MACROD2: variants seen among roughly 807,000 people sequenced by gnomAD.
MACROD2 encodes ADP-ribose glycohydrolase MACROD2.
A neutral mutation model predicts 70.4 loss-of-function variants in MACROD2; 36 were observed. The observed-to-expected ratio is 0.51, with a 90% CI of 0.39 to 0.68. The LOEUF is 0.68. Ranked by LOEUF, MACROD2 falls within the 30% of genes least tolerant of loss-of-function variation. MACROD2 has a pLI of 0.00. For synonymous variants in MACROD2, 172 were observed against 178.8 expected (o/e 0.96, Z 0.30); for missense variants, 496 against 538.4 (o/e 0.92, Z 0.78).
intron 5 of MACROD2, among the ~76,000 whole-genome samples, chr20:14,790,013 A>C (rs2072430420): frequency 6.6e-6 from 1 of 152,122 alleles, no homozygotes; most frequent in South Asian, 2.1e-4. Flanking sequence ...TAGGATGCTA[A>C]AATATGCTTT....
At chr20:14,876,704 C>G (rs933671548) in intron 5 of MACROD2, among the ~76,000 whole-genome samples, 1 of 152,140 alleles carries the variant, frequency 6.6e-6, no homozygotes, top group African/African-American at 2.4e-5. Flanking sequence ...TATCCCAGCA[C>G]CATTTATTCG....
chr20:15,231,750 G>C (rs996388040), intron 6 of MACROD2, among the ~76,000 whole-genome samples: 3 of 152,016 alleles, frequency 2.0e-5, no homozygotes, highest in Non-Finnish European at 2.9e-5. Context: ...TTAACAGATG[G>C]CATGCAGATG....
chr20:14,019,632 A>C (rs887138261), intron 2 of MACROD2, among the ~76,000 whole-genome samples: 4 of 151,824 alleles, frequency 2.6e-5, no homozygotes, highest in Non-Finnish European at 5.9e-5. Flanking sequence ...GGTGCTGCTG[A>C]TTGGTTCGGG....
chr20:15,518,525 G>A (rs372510948), intron 8 of MACROD2, among the ~76,000 whole-genome samples: 6 of 152,272 alleles, frequency 3.9e-5, no homozygotes, highest in South Asian at 2.1e-4. Context: ...AATTTTGTGG[G>A]CCTCCATCTC....
chr20:14,217,566 T>G (rs1032045700), intron 3 of MACROD2, among the ~76,000 whole-genome samples: 11 of 152,168 alleles, frequency 7.2e-5, no homozygotes, highest in African/African-American at 2.7e-4. Flanking sequence ...TCTTGTGGAA[T>G]AGTTTCAAAA....
chr20:16,022,648 T>C (rs1819187651), intron 15 of MACROD2, among the ~76,000 whole-genome samples: 1 of 152,228 alleles, frequency 6.6e-6, no homozygotes, highest in Non-Finnish European at 1.5e-5. Flanking sequence ...ATGCAGATGG[T>C]TCCTGGACCA....
At chr20:14,013,273 C>CTTTTTT (rs770856375) in intron 2 of MACROD2, among the ~76,000 whole-genome samples, 2 of 128,722 alleles carry the variant, frequency 1.6e-5, no homozygotes, top group Non-Finnish European at 3.3e-5. Flanking sequence ...ACTGTACTTT[C>CTTTTTT]TTTTTTTTTT....
At chr20:14,692,937 T>C (rs549205814) in intron 5 of MACROD2, among the ~76,000 whole-genome samples, 1 of 152,348 alleles carries the variant, frequency 6.6e-6, no homozygotes, top group East Asian at 1.9e-4. Flanking sequence ...TTAAAAAATA[T>C]CTACCTTTTG....
At chr20:15,204,204 C>A (rs2076681641) in intron 5 of MACROD2, among the ~76,000 whole-genome samples, 1 of 152,254 alleles carries the variant, frequency 6.6e-6, no homozygotes, top group East Asian at 1.9e-4. Flanking sequence ...CTAGTTTTCA[C>A]AATTTGTTGT....
chr20:16,029,236 T>G (rs2067120915), intron 15 of MACROD2, among the ~76,000 whole-genome samples: 1 of 152,198 alleles, frequency 6.6e-6, no homozygotes, highest in Non-Finnish European at 1.5e-5. Context: ...ACTTGCAGGT[T>G]GGGGCTACAA....
In MACROD2 at chr20:14,571,633, G is replaced by A. The variant is rs2180523; in HGVS notation, c.301+78125G>A. Among the ~76,000 whole-genome samples, 604 of 152,158 alleles carry A rather than the reference G, an allele frequency of 4.0e-3. 8 individuals carry two copies. The highest frequency in any genetic ancestry group is 0.029 in the East Asian group (151 of 5,184). ...TTCATGTTCCAAAATGGCACAAGGA[G>A]GGTCTTAAGCATTTTTAATATTCCA... On this transcript the variant is annotated intron_variant, in intron 4 of 17. Coordinates refer to ENST00000684519, the MANE Select transcript of MACROD2 (RefSeq NM_001351661.2).
chr20:15,375,179 T>G (rs1291874479), intron 6 of MACROD2, among the ~76,000 whole-genome samples: 1 of 152,232 alleles, frequency 6.6e-6, no homozygotes, highest in Non-Finnish European at 1.5e-5. Context: ...CATCAGGTGC[T>G]TCACAATTTA....
chr20:14,296,009 G>A (rs2082424487), intron 3 of MACROD2, among the ~76,000 whole-genome samples: 1 of 151,806 alleles, frequency 6.6e-6, no homozygotes, highest in South Asian at 2.1e-4. Context: ...ATAATCTACT[G>A]TGATTCAATC....
At chr20:16,047,588 A>C (rs2067400604) in intron 17 of MACROD2, among the ~76,000 whole-genome samples, 1 of 152,170 alleles carries the variant, frequency 6.6e-6, no homozygotes, top group Admixed American at 6.6e-5. Flanking sequence ...CCTTGGAAGA[A>C]GCCCAGGTTA....
intron 5 of MACROD2, among the ~76,000 whole-genome samples, chr20:14,849,382 A>G (rs1435651631): frequency 6.6e-6 from 1 of 152,124 alleles, no homozygotes; most frequent in Non-Finnish European, 1.5e-5. Context: ...TCCTTGAATT[A>G]AAGGTGTGTT....
At chr20:14,191,112 T>C (rs1464139837) in intron 3 of MACROD2, among the ~76,000 whole-genome samples, 2 of 152,150 alleles carry the variant, frequency 1.3e-5, no homozygotes, top group African/African-American at 4.8e-5. Flanking sequence ...CACATCTACT[T>C]TACATCTTGT....
intron 5 of MACROD2, among the ~76,000 whole-genome samples, chr20:14,712,475 G>T (rs182980350): frequency 1.8e-3 from 273 of 152,232 alleles, no homozygotes; most frequent in Non-Finnish European, 3.2e-3. Flanking sequence ...CCTGATACAC[G>T]TTGAATGCCC....
chr20:15,509,678 A>T (rs543375577), intron 8 of MACROD2, among the ~76,000 whole-genome samples: 15 of 152,310 alleles, frequency 9.8e-5, no homozygotes, highest in African/African-American at 3.6e-4. Context: ...ACCACTGTGT[A>T]CCCTCACTCC....
intron 8 of MACROD2, among the ~76,000 whole-genome samples, chr20:15,609,059 C>G (rs1387178151): frequency 6.6e-6 from 1 of 152,118 alleles, no homozygotes; most frequent in African/African-American, 2.4e-5. Context: ...CTTTCACCTG[C>G]TCTATTCCTC....
Sources: allele counts gnomAD v4.1 joint callset (sites outside exome capture counted in the v4.1 genomes callset), GRCh38; gene constraint gnomAD v4.1.1; transcripts MANE v1.5; gene names NCBI Gene and HGNC (gene_info 2026-07-23, HGNC 2026-07-21).